IGF2BP1: variants seen among roughly 807,000 people sequenced by gnomAD.
IGF2BP1 encodes the protein insulin-like growth factor 2 mRNA-binding protein 1.
IGF2BP1 carries 11 observed loss-of-function variants against 74.9 expected under a neutral mutation model. That is an observed-to-expected ratio of 0.15 (90% CI 0.09 to 0.24). The LOEUF is 0.24. Among genes scored for constraint, IGF2BP1 ranks in the 10% least tolerant of loss-of-function variants. The pLI is 1.00. For synonymous variants in IGF2BP1, 287 were observed against 281.8 expected, an observed-to-expected ratio of 1.02 and a Z score of -0.18; for missense variants, 440 against 757.4, an observed-to-expected ratio of 0.58 and a Z score of 4.92.
At chr17:49,015,249 A>G (rs565044513) in intron 2 of IGF2BP1, among the ~76,000 whole-genome samples, 2 of 152,294 alleles carry the variant, frequency 1.3e-5, no homozygotes, top group Admixed American at 1.3e-4. Flanking sequence ...CTGGGATTAT[A>G]GGCGTGAACC....
intron 14 of IGF2BP1, 74 bp from the exon 15 acceptor site, chr17:49,049,278 T>G: frequency 8.0e-7 from 1 of 1,243,854 alleles, no homozygotes; most frequent in Non-Finnish European, 1.2e-6. Context: ...TGTCTGGACC[T>G]GATGACCTCT....
rs2042208811 is a variant in IGF2BP1 at position 49,054,985 on chromosome 17, A to G, written c.*5541A>G. On this transcript the variant is annotated 3_prime_UTR_variant, in exon 15 of 15. Transcript: ENST00000290341. ...CCCACCCTCTAATGGACCTCCTCAT[A>G]GAAGCCCCATTTCACTTTTGTTTTA... 7.1e-6 allele frequency: 1 copy of G among 141,212 alleles called. No individual in the cohort carries two copies. The highest frequency in any genetic ancestry group is 7.7e-5 in the Admixed American group (1 of 13,046). 8.7% of individuals were successfully genotyped at this position (141,212 alleles called of 1,614,324 possible).
intron 9 of IGF2BP1, 33 bp downstream of exon 9, chr17:49,042,410 T>G (rs1394221090): frequency 6.2e-7 from 1 of 1,613,366 alleles, no homozygotes; most frequent in Non-Finnish European, 8.5e-7. Flanking sequence ...TGCTTATCCT[T>G]TCCTGAGTCT....
chr17:49,031,971 G>T lies in IGF2BP1; in HGVS notation c.399G>T (p.Arg133Ser). The change falls in exon 5 of 15, where the codon AGG becomes AGT. Residue 133 changes from arginine (R) to serine (S), a missense_variant and splice_region_variant. Transcript: ENST00000290341. The part of the protein sequence containing the change: ...NVTYSNREQT[R>S]QAIMKLNGHQ... ...CCTATTCCAACCGGGAGCAGACCAG[G>T]CAGTGAGTGGGCTGGGAAGTGGGGC... The T allele has an allele frequency of 6.2e-7, 1 of 1,603,816 alleles. No individual in the cohort carries two copies. The highest frequency in any genetic ancestry group is 8.5e-7 in the Non-Finnish European group (1 of 1,172,248).
chr17:49,008,005 C>T (rs1453701725), intron 2 of IGF2BP1, among the ~76,000 whole-genome samples: 1 of 151,984 alleles, frequency 6.6e-6, no homozygotes, highest in African/African-American at 2.4e-5. Flanking sequence ...AACCCCGTCT[C>T]TACTAAAAAT....
At chr17:49,006,149 ATAGTT>A (rs1021953291) in intron 2 of IGF2BP1, among the ~76,000 whole-genome samples, 3 of 152,196 alleles carry the variant, frequency 2.0e-5, no homozygotes, top group African/African-American at 4.8e-5. Flanking sequence ...ATTTGATTGG[ATAGTT>A]TAGTTTAGTT....
intron 2 of IGF2BP1, among the ~76,000 whole-genome samples, chr17:49,015,890 C>T (rs2041694606): frequency 1.3e-5 from 2 of 152,212 alleles, no homozygotes. Context: ...TTAGCACCTT[C>T]CACAAGTTGC....
At chr17:49,002,045 A>G (rs2041493203) in intron 2 of IGF2BP1, among the ~76,000 whole-genome samples, 1 of 152,076 alleles carries the variant, frequency 6.6e-6, no homozygotes, top group Admixed American at 6.5e-5. Flanking sequence ...AATGAAAGAG[A>G]TGCACTGACT....
chr17:49,047,740 G>T (rs1363620234), intron 14 of IGF2BP1, among the ~76,000 whole-genome samples: 1 of 148,588 alleles, frequency 6.7e-6, no homozygotes, highest in Non-Finnish European at 1.5e-5. Context: ...TTGTGACAGG[G>T]TCTCGCTCTG....
intron 5 of IGF2BP1, among the ~76,000 whole-genome samples, chr17:49,032,534 G>C (rs1279899808): frequency 6.6e-6 from 1 of 152,180 alleles, no homozygotes; most frequent in Admixed American, 6.5e-5. Flanking sequence ...CACTGTTACA[G>C]ACAGACTATA....
At chr17:49,022,725 T>C (rs1314327881) in intron 2 of IGF2BP1, among the ~76,000 whole-genome samples, 3 of 152,084 alleles carry the variant, frequency 2.0e-5, no homozygotes, top group Non-Finnish European at 4.4e-5. Flanking sequence ...CCTTCTCCCT[T>C]CCCCCATCCC....
In IGF2BP1 at chr17:48,998,061, C is replaced by A; in HGVS notation, c.175+141C>A. On this transcript the variant is annotated intron_variant, in intron 1 of 14. Transcript: ENST00000290341. ...CCTCCGTACCCACCCTCGACCTACC[C>A]CCTTCGATGCCCCCTCCCTCGCTCT... is the stretch of plus-strand genomic sequence containing the variant. 3 of 769,252 alleles carry A rather than the reference C, an allele frequency of 3.9e-6. No individual in the cohort carries two copies. In the South Asian group the frequency reaches 5.6e-5, roughly 14 times the overall value. 47.7% of individuals were successfully genotyped at this position (769,252 alleles called of 1,614,324 possible).
chr17:49,046,171 G>T (rs1567828635), intron 13 of IGF2BP1, 89 bp from the exon 14 acceptor site: 5 of 1,443,668 alleles, frequency 3.5e-6, no homozygotes, highest in Admixed American at 3.4e-5. Context: ...ACTCTTCCAG[G>T]TTCTCCCCAC....
At chr17:49,045,202 A>G (rs2042096943) in intron 12 of IGF2BP1, 137 bp downstream of exon 12, 2 of 657,358 alleles carry the variant, frequency 3.0e-6, no homozygotes, top group Non-Finnish European at 5.4e-6. Context: ...TCCATGCAGG[A>G]TAAAGGGCTG....
At chr17:49,010,313 C>CTTTTTTTTTTTTTTTT in intron 2 of IGF2BP1, among the ~76,000 whole-genome samples, 1 of 105,622 alleles carries the variant, frequency 9.5e-6, no homozygotes, top group Non-Finnish European at 1.9e-5. Context: ...TGGTGGTCAT[C>CTTTTTTTTTTTTTTTT]TTTTTTTTTT....
chr17:49,041,207 T>C (rs185634831), intron 7 of IGF2BP1, among the ~76,000 whole-genome samples, 171 bp from the exon 8 acceptor site: 2 of 152,290 alleles, frequency 1.3e-5, no homozygotes, highest in East Asian at 3.9e-4. Flanking sequence ...GCTTTATTGA[T>C]GTTCAATTGA....
chr17:49,032,012 G>C (rs755302616), intron 5 of IGF2BP1, 39 bp downstream of exon 5: 3 of 1,512,574 alleles, frequency 2.0e-6, no homozygotes, highest in African/African-American at 1.4e-5. Flanking sequence ...GCGGTGGGGG[G>C]GGGTTCTGTG....
chr17:49,016,564 C>T (rs1267952784), intron 2 of IGF2BP1, among the ~76,000 whole-genome samples: 2 of 152,098 alleles, frequency 1.3e-5, no homozygotes, highest in African/African-American at 4.8e-5. Flanking sequence ...TACTTTTCCC[C>T]CAACAAGTAG....
At chr17:49,032,445 A>G (rs2041934755) in intron 5 of IGF2BP1, among the ~76,000 whole-genome samples, 1 of 146,184 alleles carries the variant, frequency 6.8e-6, no homozygotes, top group Admixed American at 6.7e-5. Context: ...AGCTGGTGAT[A>G]GTTGTGGGGT....
Sources: gnomAD v4.1 joint callset for allele counts (sites outside exome capture counted in the v4.1 genomes callset) on GRCh38, gnomAD v4.1.1 for gene constraint, MANE v1.5 for transcripts, NCBI Gene and HGNC (gene_info 2026-07-23, HGNC 2026-07-21) for gene names.